The following HKDC1 variants were observed in gnomAD, a reference collection of about 807,000 sequenced individuals.
HKDC1 encodes hexokinase domain containing 1.
HKDC1 carries 66 observed loss-of-function variants against 96.6 expected under a neutral mutation model. That is an observed-to-expected ratio of 0.68 (90% CI 0.56 to 0.84). HKDC1 has a LOEUF of 0.84. Ranked by LOEUF, HKDC1 falls within the 40% of genes least tolerant of loss-of-function variation. The probability of loss-of-function intolerance (pLI) is 0.00; values close to 1 mark genes in which losing one functional copy is unlikely to be tolerated. For missense variants in HKDC1, 1,211 were observed against 1,208.1 expected (o/e 1.00, Z -0.04); for synonymous variants, 466 against 473.1 (o/e 0.98, Z 0.20).
At chr10:69,223,475 A>G (rs1388515141) in intron 1 of HKDC1, among the ~76,000 whole-genome samples, 1 of 151,748 alleles carries the variant, frequency 6.6e-6, no homozygotes. Flanking sequence ...TCTTCTTAAT[A>G]TCCAATCAAG....
chr10:69,252,643 C>CAAAA (rs71471534), intron 12 of HKDC1, among the ~76,000 whole-genome samples: 2 of 64,558 alleles, frequency 3.1e-5, no homozygotes, highest in Non-Finnish European at 5.8e-5. Flanking sequence ...GACTCTGTCT[C>CAAAA]AAAAAAAAAA....
intron 4 of HKDC1, among the ~76,000 whole-genome samples, 175 bp downstream of exon 4, chr10:69,233,308 G>A (rs1843303490): frequency 6.6e-6 from 1 of 152,176 alleles, no homozygotes; most frequent in Non-Finnish European, 1.5e-5. Flanking sequence ...TAACGCAATG[G>A]CCTTGATTTT....
chr10:69,230,771 G>A (rs10762267), intron 2 of HKDC1, among the ~76,000 whole-genome samples: 141,411 of 152,214 alleles, frequency 0.93, 66,428 homozygotes, highest in Non-Finnish European at 1. Context: ...ATGCCACTAC[G>A]CCCAACTGAC....
chr10:69,258,753 G>A lies in HKDC1; in HGVS notation c.2033-23G>A, dbSNP rs116165755. 4,420 of 1,612,568 alleles carry A rather than the reference G, an allele frequency of 2.7e-3. 65 individuals carry two copies. In the African/African-American group the frequency reaches 0.028, roughly 10 times the overall value. On this transcript the variant is annotated intron_variant, in intron 14 of 17. Transcript: ENST00000354624. ...ACCTGGTGATGTCTTTGAAGACTAAGGTTCCTTCACAATTCCTTCTAGGAA... is the reference window on the plus strand; with the variant it reads ...ACCTGGTGATGTCTTTGAAGACTAAAGTTCCTTCACAATTCCTTCTAGGAA...
intron 2 of HKDC1, among the ~76,000 whole-genome samples, chr10:69,229,870 T>G (rs1340896784): frequency 6.6e-6 from 1 of 152,104 alleles, no homozygotes; most frequent in Non-Finnish European, 1.5e-5. Context: ...GCACCATACA[T>G]GATTGTCAGG....
At chr10:69,245,570 CAATAATAATAATAATAATAAT>C (rs10646729) in intron 7 of HKDC1, among the ~76,000 whole-genome samples, 1 of 139,390 alleles carries the variant, frequency 7.2e-6, no homozygotes, top group Non-Finnish European at 1.5e-5. Context: ...ATCCTGTCTC[CAATAATAATAATAATAATAAT>C]AATAATAATA....
rs1843907823 is a variant in HKDC1 at position 69,266,785 on chromosome 10, C to T, written c.*28C>T. 1.2e-6 allele frequency: 2 copies of T among 1,600,918 alleles called. No individual in the cohort carries two copies. The highest frequency in any genetic ancestry group is 1.7e-6 in the Non-Finnish European group (2 of 1,173,778). On this transcript the variant is annotated 3_prime_UTR_variant, in exon 18 of 18. Coordinates refer to ENST00000354624, the MANE Select transcript of HKDC1 (RefSeq NM_025130.4). ...ACCCCTGGGATTGGACCTGATGCAT[C>T]TTGGATACTGAACAGCTTTTCCTCT...
At chr10:69,255,935 A>T (rs1435231196) in intron 12 of HKDC1, among the ~76,000 whole-genome samples, 1 of 151,966 alleles carries the variant, frequency 6.6e-6, no homozygotes, top group African/African-American at 2.4e-5. Flanking sequence ...AAAAAACAAA[A>T]AAAACCTACT....
chr10:69,262,911 C>G (rs1483296656), intron 16 of HKDC1, among the ~76,000 whole-genome samples: 2 of 150,210 alleles, frequency 1.3e-5, no homozygotes, highest in African/African-American at 2.4e-5. Context: ...GTTTACTTAT[C>G]TTTGCCTTGC....
intron 1 of HKDC1, among the ~76,000 whole-genome samples, chr10:69,226,184 A>G (rs976615125): frequency 6.6e-6 from 1 of 152,174 alleles, no homozygotes; most frequent in Non-Finnish European, 1.5e-5. Context: ...ATTACCAACA[A>G]GAGGACTGAT....
rs774292783 is a variant in HKDC1, at chr10:69,257,293, G to A, written c.1933-34G>A. ...GCTTGCACATTCAACTCATAGTAAA[G>A]CTGGGTTTTTTTTGTTTTTGTTTTT... On this transcript the variant is annotated intron_variant, in intron 13 of 17. Coordinates refer to ENST00000354624, the MANE Select transcript of HKDC1 (RefSeq NM_025130.4). 8.2e-6 allele frequency: 13 copies of A among 1,585,264 alleles called. No homozygotes were observed. In the East Asian group the frequency reaches 2.9e-4, roughly 35 times the overall value.
intron 4 of HKDC1, among the ~76,000 whole-genome samples, chr10:69,235,666 G>A (rs866480124): frequency 7.2e-5 from 11 of 152,154 alleles, no homozygotes; most frequent in Admixed American, 4.6e-4. Flanking sequence ...CAGGAAGAAG[G>A]AAGAAAATTC....
At position 69,220,363 on chromosome 10, in the gene HKDC1, C is replaced by A; in HGVS notation, c.-73C>A. The A allele has an allele frequency of 8.4e-7, 1 of 1,195,946 alleles. No homozygotes were observed. Among genetic ancestry groups the A allele is most frequent in the Non-Finnish European group, 1.2e-6 (1 of 861,288 alleles). The allele number at this position is 1,195,946 out of a possible 1,614,324, so 74.1% of individuals were successfully genotyped here. The stretch of plus-strand genomic sequence containing the variant: ...GCCAGCCTGGACTGGAAGCGTGCAA[C>A]ACTCCAGAGTCGTAGGAGTGAACAC... On this transcript the variant is annotated 5_prime_UTR_variant, in exon 1 of 18. Transcript: ENST00000354624.
chr10:69,253,804 T>G (rs1843680406), intron 12 of HKDC1, among the ~76,000 whole-genome samples: 1 of 152,184 alleles, frequency 6.6e-6, no homozygotes, highest in Admixed American at 6.5e-5. Context: ...GTGAATTCTC[T>G]GCAATCCCTG....
chr10:69,266,648 C>A lies in HKDC1; in HGVS notation c.2645C>A (p.Ala882Asp), dbSNP rs923490364. The stretch of plus-strand genomic sequence containing the variant: ...TTGCAGGAAACTGTGAAGGAACTAG[C>A]CCCTCGATGTGATGTGACATTCATG... ...RILQETVKEL[A>D]PRCDVTFMLS... The change falls in exon 18 of 18, where the codon GCC becomes GAC. Residue 882 changes from alanine (A) to aspartate (D), a missense_variant. Transcript: ENST00000354624. 2.5e-6 allele frequency: 4 copies of A among 1,614,088 alleles called. No homozygotes were observed. Among genetic ancestry groups the A allele is most frequent in the East Asian group, 2.2e-5 (1 of 44,890 alleles).
chr10:69,261,391 A>G lies in HKDC1; in HGVS notation c.2372+97A>G. ...TTGAGGTTTAAAAATAAAAACAGAA[A>G]GGCCCTGGCTGGGTAAGGGATTGCC... is the stretch of plus-strand genomic sequence containing the variant. On this transcript the variant is annotated intron_variant, in intron 16 of 17. Coordinates refer to ENST00000354624, the MANE Select transcript of HKDC1 (RefSeq NM_025130.4). 2.5e-6 allele frequency: 3 copies of G among 1,206,948 alleles called. No homozygotes were observed. The South Asian group carries it at 4.2e-5, about 17-fold the overall frequency. 74.8% of individuals were successfully genotyped at this position (1,206,948 alleles called of 1,614,324 possible).
chr10:69,252,974 G>A (rs1843666873), intron 12 of HKDC1, among the ~76,000 whole-genome samples: 1 of 28,948 alleles, frequency 3.5e-5, no homozygotes, highest in African/African-American at 3.4e-4. Context: ...ATCTCTAAAC[G>A]TGTGTGTGTG....
At chr10:69,223,934 T>C (rs904463195) in intron 1 of HKDC1, among the ~76,000 whole-genome samples, 2 of 150,522 alleles carry the variant, frequency 1.3e-5, no homozygotes, top group Non-Finnish European at 3.0e-5. Context: ...TTAGGCTGGA[T>C]GAAGTGGCTC....
At chr10:69,248,889 T>C in intron 10 of HKDC1, 161 bp downstream of exon 10, 1 of 689,826 alleles carries the variant, frequency 1.4e-6, no homozygotes, top group South Asian at 2.2e-5. Context: ...CTGTTGGCCT[T>C]TGTTAACCCA....
Sources: gnomAD v4.1 joint callset for allele counts (sites outside exome capture counted in the v4.1 genomes callset) on GRCh38, gnomAD v4.1.1 for gene constraint, MANE v1.5 for transcripts, NCBI Gene and HGNC (gene_info 2026-07-23, HGNC 2026-07-21) for gene names.